CNTNAP2: variants seen among roughly 807,000 people sequenced by gnomAD.
CNTNAP2 encodes the protein contactin-associated protein-like 2.
CNTNAP2 carries 98 observed loss-of-function variants against 155.2 expected under a neutral mutation model. That is an observed-to-expected ratio of 0.63 (90% confidence interval 0.54 to 0.75). The LOEUF is 0.75. CNTNAP2 is among the 30% of genes least tolerant of loss of function. The pLI is 0.00. For missense variants in CNTNAP2, 1,727 were observed against 1,688.1 expected, an observed-to-expected ratio of 1.02 and a Z score of -0.40; for synonymous variants, 651 against 631.2, an observed-to-expected ratio of 1.03 and a Z score of -0.47.
chr7:147,392,019 A>G (rs938656855), intron 9 of CNTNAP2, among the ~76,000 whole-genome samples: 6 of 152,136 alleles, frequency 3.9e-5, no homozygotes, highest in Non-Finnish European at 8.8e-5. Context: ...GGCTCCTTCA[A>G]TACTCTACCT....
chr7:147,575,034 A>C (rs568208678), intron 12 of CNTNAP2, among the ~76,000 whole-genome samples: 2 of 151,996 alleles, frequency 1.3e-5, no homozygotes, highest in East Asian at 3.9e-4. Context: ...CAGTGAGCAC[A>C]TATTCATTTA....
At chr7:147,509,431 C>T (rs1016857949) in intron 11 of CNTNAP2, among the ~76,000 whole-genome samples, 3 of 152,118 alleles carry the variant, frequency 2.0e-5, no homozygotes, top group African/African-American at 7.2e-5. Context: ...CTGACACTCC[C>T]GAAATTACTT....
chr7:147,560,931 G>C (rs1437966980), intron 11 of CNTNAP2, among the ~76,000 whole-genome samples: 1 of 151,352 alleles, frequency 6.6e-6, no homozygotes, highest in Admixed American at 6.6e-5. Flanking sequence ...GGAGGTCCCA[G>C]AATCAGACCA....
chr7:147,315,746 T>C (rs1795219360), intron 9 of CNTNAP2, among the ~76,000 whole-genome samples: 1 of 152,150 alleles, frequency 6.6e-6, no homozygotes, highest in South Asian at 2.1e-4. Flanking sequence ...CCCAAAGTGC[T>C]GGGATTACAG....
chr7:147,544,379 A>G (rs879278152), intron 11 of CNTNAP2, among the ~76,000 whole-genome samples: 5 of 152,182 alleles, frequency 3.3e-5, no homozygotes, highest in Non-Finnish European at 7.3e-5. Flanking sequence ...TTAAGTAGCA[A>G]TGAAGCTCTC....
In CNTNAP2 at chr7:147,891,363, C is replaced by T. The variant is rs551889847; in HGVS notation, c.2099-12202C>T. ...GGGATTGCAGGCGTGCACCATCATG[C>T]CCGGCTAATTTTTGTATTTTTAGTA... On this transcript the variant is annotated intron_variant, in intron 13 of 23. Transcript: ENST00000361727. Among the ~76,000 whole-genome samples the T allele has an allele frequency of 2.0e-4, 31 of 152,172 alleles. 1 individual carries two copies. The highest frequency in any genetic ancestry group is 7.2e-4 in the African/African-American group (30 of 41,522).
At chr7:147,782,439 G>T (rs2116557529) in intron 13 of CNTNAP2, among the ~76,000 whole-genome samples, 1 of 152,172 alleles carries the variant, frequency 6.6e-6, no homozygotes, top group East Asian at 1.9e-4. Flanking sequence ...GAAATGTATT[G>T]CTCATTGTTT....
At chr7:147,512,565 A>G (rs770468537) in intron 11 of CNTNAP2, among the ~76,000 whole-genome samples, 14 of 152,154 alleles carry the variant, frequency 9.2e-5, no homozygotes, top group South Asian at 2.1e-4. Flanking sequence ...ATGATATTGC[A>G]AAGAGATTTT....
At chr7:146,713,032 A>T (rs1430624839) in intron 1 of CNTNAP2, among the ~76,000 whole-genome samples, 1 of 151,842 alleles carries the variant, frequency 6.6e-6, no homozygotes, top group African/African-American at 2.4e-5. Context: ...CTTAAGATTC[A>T]CTCCCCTCTC....
chr7:147,453,514 T>C (rs927768101), intron 10 of CNTNAP2, among the ~76,000 whole-genome samples: 1 of 152,210 alleles, frequency 6.6e-6, no homozygotes, highest in African/African-American at 2.4e-5. Context: ...AATTATTCAA[T>C]AATTCTATAA....
rs531864284 is a variant in CNTNAP2 at position 148,398,909 on chromosome 7, G to T, written c.3716-10482G>T. Among the ~76,000 whole-genome samples, 7 of 152,212 alleles carry T rather than the reference G, an allele frequency of 4.6e-5. No individual in the cohort carries two copies. In the South Asian group the frequency reaches 1.2e-3, roughly 27 times the overall value. On this transcript the variant is annotated intron_variant, in intron 22 of 23. Coordinates refer to ENST00000361727, the MANE Select transcript of CNTNAP2 (RefSeq NM_014141.6). ...AATGTCCTTAAAAATATCCCTTTTTGACTTACTATAATTGGTTGCTTTCCT... is the reference window on the plus strand; with the variant it reads ...AATGTCCTTAAAAATATCCCTTTTTTACTTACTATAATTGGTTGCTTTCCT...
intron 17 of CNTNAP2, among the ~76,000 whole-genome samples, chr7:148,167,745 A>G (rs1293248512): frequency 6.6e-6 from 1 of 152,206 alleles, no homozygotes; most frequent in Non-Finnish European, 1.5e-5. Context: ...AAAGCCACAC[A>G]ACTGAGTAGA....
At chr7:147,800,610 A>T (rs1205493851) in intron 13 of CNTNAP2, among the ~76,000 whole-genome samples, 2 of 152,148 alleles carry the variant, frequency 1.3e-5, no homozygotes, top group African/African-American at 4.8e-5. Context: ...CAAGTTCTAT[A>T]GCATATGGAG....
intron 1 of CNTNAP2, among the ~76,000 whole-genome samples, chr7:146,425,618 T>G (rs1484188375): frequency 6.6e-6 from 1 of 152,190 alleles, no homozygotes; most frequent in African/African-American, 2.4e-5. Flanking sequence ...GAATGTATTT[T>G]CTTATATCTG....
At chr7:147,028,420 A>AT (rs1798962975) in intron 3 of CNTNAP2, among the ~76,000 whole-genome samples, 1 of 152,140 alleles carries the variant, frequency 6.6e-6, no homozygotes, top group African/African-American at 2.4e-5. Flanking sequence ...TGTTTTCTTT[A>AT]TTTTTTCTCT....
intron 13 of CNTNAP2, among the ~76,000 whole-genome samples, chr7:147,775,439 T>G (rs1050708349): frequency 1.1e-4 from 15 of 130,784 alleles, no homozygotes; most frequent in African/African-American, 4.2e-4. Flanking sequence ...CTGAAGAAAT[T>G]CTGAACCATA....
At chr7:146,444,873 T>C (rs374910626) in intron 1 of CNTNAP2, among the ~76,000 whole-genome samples, 6 of 151,722 alleles carry the variant, frequency 4.0e-5, no homozygotes, top group African/African-American at 1.5e-4. Flanking sequence ...GCCAGGCTGG[T>C]CTCGAACTCC....
At chr7:146,758,970 ATG>A (rs1802038642) in intron 1 of CNTNAP2, among the ~76,000 whole-genome samples, 4 of 152,188 alleles carry the variant, frequency 2.6e-5, no homozygotes, top group Non-Finnish European at 4.4e-5. Context: ...ATCACTGGTG[ATG>A]ATGGCAAAAT....
At chr7:147,483,189 T>C (rs1414337927) in intron 10 of CNTNAP2, among the ~76,000 whole-genome samples, 18 of 151,756 alleles carry the variant, frequency 1.2e-4, no homozygotes. Flanking sequence ...TGTGAATCCA[T>C]CAGTGGATCC....
Sources: allele counts gnomAD v4.1 joint callset (sites outside exome capture counted in the v4.1 genomes callset), GRCh38; gene constraint gnomAD v4.1.1; transcripts MANE v1.5; gene names NCBI Gene and HGNC (gene_info 2026-07-23, HGNC 2026-07-21).